The following ANGPT4 variants were observed in gnomAD, a reference collection of about 807,000 sequenced individuals.
ANGPT4 encodes angiopoietin 4, also known as angiopoietin-4.
Under a neutral mutation model 53.0 loss-of-function variants are expected in ANGPT4, and 50 were observed. The observed-to-expected ratio is 0.94, with a 90% CI of 0.75 to 1.20. The LOEUF (loss-of-function observed/expected upper bound fraction) is 1.20, where lower values mean the gene tolerates loss of function less well. ANGPT4 is among the 50% of genes most tolerant of loss of function. The probability of loss-of-function intolerance (pLI) is 0.00; values close to 1 mark genes in which losing one functional copy is unlikely to be tolerated. For synonymous variants in ANGPT4, 251 were observed against 259.7 expected, an observed-to-expected ratio of 0.97 and a Z score of 0.32; for missense variants, 648 against 637.1, an observed-to-expected ratio of 1.02 and a Z score of -0.18.
intron 1 of ANGPT4, among the ~76,000 whole-genome samples, chr20:899,666 G>A (rs924335130): frequency 2.6e-5 from 4 of 151,974 alleles, no homozygotes; most frequent in Admixed American, 6.6e-5. Context: ...CAAGATCTTC[G>A]CCTTATCAAC....
chr20:890,402 G>A, intron 1 of ANGPT4, 34 bp from the exon 2 acceptor site: 3 of 1,581,418 alleles, frequency 1.9e-6, no homozygotes, highest in Non-Finnish European at 2.6e-6. Context: ...TCACGGGGGA[G>A]GGGCGGGGGA....
chr20:874,834 TC>T (rs1449101809), intron 7 of ANGPT4, among the ~76,000 whole-genome samples: 1 of 152,126 alleles, frequency 6.6e-6, no homozygotes, highest in Non-Finnish European at 1.5e-5. Context: ...CACCTCAGTC[TC>T]CTGAGTAAAT....
chr20:906,417 G>T (rs145963244), intron 1 of ANGPT4, among the ~76,000 whole-genome samples: 1 of 152,116 alleles, frequency 6.6e-6, no homozygotes, highest in African/African-American at 2.4e-5. Context: ...ACCCCAAGTC[G>T]GAACTACCTT....
intron 1 of ANGPT4, among the ~76,000 whole-genome samples, chr20:909,684 A>T (rs1288426538): frequency 1.3e-5 from 2 of 152,214 alleles, no homozygotes; most frequent in South Asian, 4.1e-4. Context: ...CAGATAAGGA[A>T]ACCGAGTCAC....
intron 1 of ANGPT4, among the ~76,000 whole-genome samples, chr20:909,433 G>A (rs1982614204): frequency 6.6e-6 from 1 of 152,178 alleles, no homozygotes; most frequent in South Asian, 2.1e-4. Flanking sequence ...TGAAGCTCAG[G>A]TCTTTCTCAT....
intron 1 of ANGPT4, among the ~76,000 whole-genome samples, chr20:900,055 G>A (rs1056537652): frequency 1.3e-5 from 2 of 152,152 alleles, no homozygotes; most frequent in Admixed American, 1.3e-4. Flanking sequence ...CAGCCTCACA[G>A]GCCCATTCCA....
Position 914,583 on chromosome 20 carries a change from C to T in ANGPT4, c.309+1323G>A, listed in dbSNP as rs1214751282. On this transcript the variant is annotated intron_variant, in intron 1 of 8. Coordinates refer to ENST00000381922, the MANE Select transcript of ANGPT4 (RefSeq NM_015985.4). This position sits in a 1 kb window ranked among gnomAD's most constrained non-coding sequence, Gnocchi z 5.0. ...CAGGGGGGCAGCCAGGACAGCTATC[C>T]TGCCTGGAGCCAGAGGTGGTTGTCA... 6.6e-6 allele frequency among the ~76,000 whole-genome samples: 1 copy of T among 152,056 alleles called. No homozygotes were observed. The highest frequency in any genetic ancestry group is 1.5e-5 in the Non-Finnish European group (1 of 68,002).
In ANGPT4 at chr20:872,638, G is replaced by A. The variant is rs1485715928; in HGVS notation, c.*322C>T. The stretch of plus-strand genomic sequence containing the variant: ...CCACCTGCCTGCAACCCCACCATTG[G>A]TCATGGGAATCAAGTTTGGTCTGTT... On this transcript the variant is annotated 3_prime_UTR_variant, in exon 9 of 9. Coordinates refer to ENST00000381922, the MANE Select transcript of ANGPT4 (RefSeq NM_015985.4). 4.0e-6 allele frequency: 1 copy of A among 251,448 alleles called. No homozygotes were observed. The highest frequency in any genetic ancestry group is 2.2e-5 in the African/African-American group (1 of 44,938). 15.6% of individuals were successfully genotyped at this position (251,448 alleles called of 1,614,324 possible).
rs148410129 is a variant in ANGPT4 at position 914,345 on chromosome 20, C to T, written c.309+1561G>A. ...TTTCGTACGGGGAGGACAAGGAGGG[C>T]CTCTGGGGAGATGGCGCTGGAGAGG... is the stretch of plus-strand genomic sequence containing the variant. On this transcript the variant is annotated intron_variant, in intron 1 of 8. Coordinates refer to ENST00000381922, the MANE Select transcript of ANGPT4 (RefSeq NM_015985.4). The surrounding 1 kb of genome is among the most constrained non-coding windows in gnomAD (Gnocchi z 5.0). Among the ~76,000 whole-genome samples, 194 of 152,020 alleles carry T rather than the reference C, an allele frequency of 1.3e-3. 2 individuals are homozygous for T. Among genetic ancestry groups the T allele is most frequent in the Non-Finnish European group, 2.4e-3 (166 of 67,944 alleles).
At chr20:881,001 C>T (rs111428202) in intron 5 of ANGPT4, among the ~76,000 whole-genome samples, 170 bp downstream of exon 5, 1 of 152,216 alleles carries the variant, frequency 6.6e-6, no homozygotes, top group African/African-American at 2.4e-5. Context: ...GGAACTTCTG[C>T]TTATCCCCAC....
intron 1 of ANGPT4, among the ~76,000 whole-genome samples, chr20:907,857 G>A (rs1982537504): frequency 6.6e-6 from 1 of 152,140 alleles, no homozygotes; most frequent in Non-Finnish European, 1.5e-5. Context: ...TCCCCACGTG[G>A]CACCAGGCCT....
At chr20:887,574 A>G (rs1005672350) in intron 3 of ANGPT4, among the ~76,000 whole-genome samples, 2 of 151,106 alleles carry the variant, frequency 1.3e-5, no homozygotes, top group African/African-American at 4.9e-5. Flanking sequence ...ACTCAGCTTG[A>G]AACTGAGGTG....
intron 6 of ANGPT4, 66 bp from the exon 7 acceptor site, chr20:878,393 C>T (rs1270410370): frequency 7.3e-6 from 11 of 1,503,468 alleles, no homozygotes; most frequent in Non-Finnish European, 9.9e-6. Context: ...GGCTGAGGAG[C>T]TGGGCTGGGC....
intron 1 of ANGPT4, among the ~76,000 whole-genome samples, chr20:896,816 G>T (rs372108546): frequency 6.6e-6 from 1 of 152,094 alleles, no homozygotes; most frequent in African/African-American, 2.4e-5. Flanking sequence ...GATAACTCTG[G>T]TTGTAGTTAC....
chr20:915,851 T>G, intron 1 of ANGPT4, 55 bp downstream of exon 1: 1 of 1,516,542 alleles, frequency 6.6e-7, no homozygotes, highest in Non-Finnish European at 8.8e-7. Flanking sequence ...ACCTGCTGAT[T>G]GTGACAGACC....
chr20:874,534 G>A, intron 7 of ANGPT4, 120 bp from the exon 8 acceptor site: 1 of 1,390,752 alleles, frequency 7.2e-7, no homozygotes, highest in South Asian at 1.4e-5. Flanking sequence ...GGTGTTCTTG[G>A]AGGGACAGCC....
intron 8 of ANGPT4, 94 bp from the exon 9 acceptor site, chr20:873,214 A>C: frequency 6.4e-6 from 7 of 1,096,370 alleles, no homozygotes; most frequent in Non-Finnish European, 8.5e-6. Context: ...ACAAAGACTA[A>C]TCGGGGCTGT....
intron 2 of ANGPT4, among the ~76,000 whole-genome samples, chr20:888,899 A>G (rs866158048): frequency 6.6e-6 from 1 of 152,214 alleles, no homozygotes; most frequent in African/African-American, 2.4e-5. Context: ...CATCTCATGT[A>G]GCGGAAATGC....
intron 7 of ANGPT4, among the ~76,000 whole-genome samples, chr20:876,194 G>A (rs944115): frequency 0.5 from 74,621 of 149,920 alleles, 21,421 homozygotes; most frequent in African/African-American, 0.78. Context: ...AGGCAAGTGG[G>A]TGGCAGATGT....
Sources: gnomAD v4.1 joint callset for allele counts (sites outside exome capture counted in the v4.1 genomes callset) on GRCh38, gnomAD v4.1.1 for gene constraint, Gnocchi (gnomAD v3.1) non-coding constraint, MANE v1.5 for transcripts, NCBI Gene and HGNC (gene_info 2026-07-23, HGNC 2026-07-21) for gene names.